ERCC6L2: variants seen among roughly 807,000 people sequenced by gnomAD.
The protein encoded by ERCC6L2 is ERCC excision repair 6 like 2, also known as DNA excision repair protein ERCC-6-like 2.
ERCC6L2 carries 77 observed loss-of-function variants against 132.0 expected under a neutral mutation model. That is an observed-to-expected ratio of 0.58 (90% CI 0.49 to 0.71). The LOEUF is 0.71. ERCC6L2 is among the 30% of genes least tolerant of loss of function. The pLI, the probability that ERCC6L2 is intolerant of heterozygous loss-of-function variation, is 0.00. For missense variants in ERCC6L2, 1,542 were observed against 1,837.6 expected (o/e 0.84, Z 2.94); for synonymous variants, 583 against 632.4 (o/e 0.92, Z 1.17).
intron 16 of ERCC6L2, among the ~76,000 whole-genome samples, chr9:95,974,343 A>G (rs1401288325): frequency 6.6e-6 from 1 of 152,198 alleles, no homozygotes; most frequent in Non-Finnish European, 1.5e-5. Flanking sequence ...TCTATATGCC[A>G]TAAGGATGAC....
Position 96,012,988 on chromosome 9 carries a change from G to A in ERCC6L2, c.4438G>A (p.Asp1480Asn). Residue 1480 changes from aspartate (D) to asparagine (N), a missense_variant, in exon 19 of 19, where the codon GAC (aspartate) becomes AAC (asparagine). Physicochemically the swap from Asp to Asn is conservative, Grantham distance 23 (BLOSUM62 1). Around this residue, in one of 4 missense-constraint regions of ERCC6L2, gnomAD observed 442 missense variants for 583.4 expected, o/e 0.76. Transcript: ENST00000653738. ...AAAACAGAGACCAAAAGATTTCTGG[G>A]ACATCTTGAATGAGCAGAATGATGA... is the stretch of plus-strand genomic sequence containing the variant. Reference protein sequence around the residue: ...KAKQRPKDFWDILNEQNDESL... With the variant: ...KAKQRPKDFWNILNEQNDESL... 5.1e-6 allele frequency: 7 copies of A among 1,367,440 alleles called. No homozygotes were observed. Among genetic ancestry groups the A allele is most frequent in the Non-Finnish European group, 6.9e-6 (7 of 1,021,728 alleles). 84.7% of individuals were successfully genotyped at this position (1,367,440 alleles called of 1,614,324 possible). A position where few individuals can be genotyped will look rare whatever the true frequency, so the allele number is the denominator to read the frequency against.
intron 17 of ERCC6L2, among the ~76,000 whole-genome samples, chr9:95,984,170 A>G (rs1488192765): frequency 6.7e-6 from 1 of 149,916 alleles, no homozygotes; most frequent in Admixed American, 6.7e-5. Flanking sequence ...TAATGTATAT[A>G]TGTTACATAT....
chr9:95,895,882 G>A (rs555577977), intron 2 of ERCC6L2, among the ~76,000 whole-genome samples: 14 of 151,826 alleles, frequency 9.2e-5, no homozygotes, highest in African/African-American at 3.1e-4. Flanking sequence ...GCCCGCCACC[G>A]GGCCCGGCTA....
rs552887100 is a variant in ERCC6L2 at position 96,016,145 on chromosome 9, C to A, written c.*2942C>A. 6.6e-6 allele frequency among the ~76,000 whole-genome samples: 1 copy of A among 152,274 alleles called. No homozygotes were observed. The highest frequency in any genetic ancestry group is 2.1e-4 in the South Asian group (1 of 4,814). On this transcript the variant is annotated 3_prime_UTR_variant, in exon 19 of 19. Coordinates refer to ENST00000653738, the MANE Select transcript of ERCC6L2 (RefSeq NM_020207.7). Reference sequence around the variant, plus strand: ...CTAAATGGGTGGCCTCAAGCAAATCCCTTACCTCCTTTTAGCCTTAGTTTC... The same window carrying A: ...CTAAATGGGTGGCCTCAAGCAAATCACTTACCTCCTTTTAGCCTTAGTTTC...
intron 14 of ERCC6L2, among the ~76,000 whole-genome samples, chr9:95,969,545 A>T (rs1253083991): frequency 6.6e-6 from 1 of 152,166 alleles, no homozygotes; most frequent in Non-Finnish European, 1.5e-5. Flanking sequence ...TGGCCTGAAC[A>T]ACTTAAGACT....
chr9:96,021,007 GTCC>G (rs1486644633), downstream of ERCC6L2: 4 of 456,348 alleles, frequency 8.8e-6, no homozygotes, highest in Admixed American at 4.7e-5. The surrounding 1 kb of genome is among the most constrained non-coding windows in gnomAD (Gnocchi z 4.7). Context: ...TGGACCAAAA[GTCC>G]TCAGTGTCGG....
At chr9:95,957,099 T>C (rs1328008189) in intron 13 of ERCC6L2, among the ~76,000 whole-genome samples, 1 of 152,208 alleles carries the variant, frequency 6.6e-6, no homozygotes, top group Non-Finnish European at 1.5e-5. Context: ...ATTAACTCTT[T>C]AATATGCTTG....
intron 11 of ERCC6L2, among the ~76,000 whole-genome samples, chr9:95,930,696 G>T (rs1830295783): frequency 6.6e-6 from 1 of 151,912 alleles, no homozygotes; most frequent in Non-Finnish European, 1.5e-5. Context: ...TAGATCCATT[G>T]AATTTTCTCT....
intron 4 of ERCC6L2, 65 bp downstream of exon 4, chr9:95,907,336 G>A: frequency 4.9e-6 from 3 of 610,048 alleles, no homozygotes; most frequent in Admixed American, 4.7e-5. Context: ...TTTATATTAA[G>A]AGTTTTTTTT....
At chr9:95,979,075 G>C (rs1266313364) in intron 17 of ERCC6L2, among the ~76,000 whole-genome samples, 1 of 152,162 alleles carries the variant, frequency 6.6e-6, no homozygotes, top group Non-Finnish European at 1.5e-5. Flanking sequence ...GTTTAAGACA[G>C]GGAGAAAGTT....
intron 2 of ERCC6L2, among the ~76,000 whole-genome samples, chr9:95,891,451 A>T (rs571927532): frequency 5.3e-5 from 8 of 152,022 alleles, no homozygotes; most frequent in African/African-American, 1.9e-4. Flanking sequence ...ATGTTGTGCA[A>T]CTCCCACCTC....
rs186386218 is a variant in ERCC6L2, at chr9:96,006,926, G to T, written c.3674+2225G>T. On this transcript the variant is annotated intron_variant, in intron 18 of 18. Transcript: ENST00000653738. Reference sequence around the variant, plus strand: ...AGTTCCCATTTGAGAATAATTTCAGGAAAATCATCTGTCCAGTATGCACAT... The same window carrying T: ...AGTTCCCATTTGAGAATAATTTCAGTAAAATCATCTGTCCAGTATGCACAT... 9.9e-5 allele frequency among the ~76,000 whole-genome samples: 15 copies of T among 152,224 alleles called. No homozygotes were observed. In the East Asian group the frequency reaches 2.5e-3, roughly 25 times the overall value.
rs549501690 is a variant in ERCC6L2, at chr9:95,955,957, C to G, written c.1891C>G (p.Leu631Val). Reference sequence around the variant, plus strand: ...ATGTAGAGATGTCAAAGTGCTTAGGCTGATATCCTTGGGAACTGTGGAGGA... The same window carrying G: ...ATGTAGAGATGTCAAAGTGCTTAGGGTGATATCCTTGGGAACTGTGGAGGA... ...GQCRDVKVLR[L>V]ISLGTVEEIM... Residue 631 changes from leucine (L) to valine (V), a missense_variant, in exon 13 of 19, where the codon CTG (leucine) becomes GTG (valine). Leu to Val is a conservative substitution (Grantham distance 32). Coordinates refer to ENST00000653738, the MANE Select transcript of ERCC6L2 (RefSeq NM_020207.7). The G allele has an allele frequency of 1.2e-6, 2 of 1,608,150 alleles. No individual in the cohort carries two copies. The highest frequency in any genetic ancestry group is 1.7e-5 in the Admixed American group (1 of 59,036).
intron 12 of ERCC6L2, chr9:95,954,984 A>G (rs1338920460): frequency 7.1e-6 from 3 of 420,580 alleles, no homozygotes; most frequent in Non-Finnish European, 1.5e-5. Flanking sequence ...TTCAAAGATA[A>G]ATTTCCCCCA....
At chr9:95,923,519 T>G (rs1161134219) in intron 9 of ERCC6L2, 140 bp downstream of exon 9, 2 of 911,390 alleles carry the variant, frequency 2.2e-6, no homozygotes, top group African/African-American at 3.3e-5. Context: ...GGTGCAATTG[T>G]ATCAGCATTT....
intron 17 of ERCC6L2, among the ~76,000 whole-genome samples, chr9:95,986,490 C>A (rs900995625): frequency 2.8e-5 from 4 of 143,626 alleles, no homozygotes; most frequent in African/African-American, 1.0e-4. Context: ...CTTCATATAT[C>A]TCTCTCCTTT....
In ERCC6L2 at chr9:96,015,025, T is replaced by TG. The variant is rs1564306625; in HGVS notation, c.*1822_*1823insG. ...CTTCATATATGTACAGTTTTTTTTT[T>TG]TTTTTTTTTTTTTTTGAGATTGAGT... is the stretch of plus-strand genomic sequence containing the variant. On this transcript the variant is annotated 3_prime_UTR_variant, in exon 19 of 19. Coordinates refer to ENST00000653738, the MANE Select transcript of ERCC6L2 (RefSeq NM_020207.7). Among the ~76,000 whole-genome samples the TG allele has an allele frequency of 4.8e-5, 6 of 126,028 alleles. No individual in the cohort carries two copies. Among genetic ancestry groups the TG allele is most frequent in the African/African-American group, 2.0e-4 (6 of 30,280 alleles). 82.7% of individuals were successfully genotyped at this position (126,028 alleles called of 152,430 possible).
intron 16 of ERCC6L2, among the ~76,000 whole-genome samples, chr9:95,976,952 T>C (rs780623739): frequency 2.6e-5 from 4 of 152,240 alleles, no homozygotes; most frequent in African/African-American, 4.8e-5. Flanking sequence ...GAGTTAATTA[T>C]GATTTATATC....
intron 6 of ERCC6L2, among the ~76,000 whole-genome samples, chr9:95,919,209 G>GA (rs200245980): frequency 1.3e-4 from 19 of 149,026 alleles, no homozygotes; most frequent in Non-Finnish European, 1.5e-4. Flanking sequence ...GGCATTTAGG[G>GA]AAAAAAAAAA....
Sources: gnomAD v4.1 joint callset for allele counts (sites outside exome capture counted in the v4.1 genomes callset) on GRCh38, gnomAD v4.1.1 for gene constraint, gnomAD v4.1.1 regional missense constraint, Gnocchi (gnomAD v3.1) non-coding constraint, MANE v1.5 for transcripts, NCBI Gene and HGNC (gene_info 2026-07-23, HGNC 2026-07-21) for gene names.